ATP2C2: variants seen among roughly 807,000 people sequenced by gnomAD.
The protein encoded by ATP2C2 is ATPase secretory pathway Ca2+ transporting 2.
In ATP2C2, 171 loss-of-function variants were observed where a neutral mutation model predicts 110.8. The observed-to-expected ratio is 1.54, with a 90% CI of 1.36 to 1.75. The LOEUF is 1.75. Among genes scored for constraint, ATP2C2 ranks in the 40% most tolerant of loss-of-function variants. The pLI, the probability that ATP2C2 is intolerant of heterozygous loss-of-function variation, is 0.00. For missense variants in ATP2C2, 1,963 were observed against 1,235.0 expected (o/e 1.59, Z -8.84); for synonymous variants, 804 against 508.4 (o/e 1.58, Z -7.82).
chr16:84,459,954 T>TG (rs1215838820), intron 23 of ATP2C2: 1 of 263,856 alleles, frequency 3.8e-6, no homozygotes, highest in Non-Finnish European at 7.5e-6. Flanking sequence ...CCAAGTGGTG[T>TG]GGGGGAAGGA....
intron 15 of ATP2C2, among the ~76,000 whole-genome samples, chr16:84,443,838 T>G (rs1327327946): frequency 7.9e-5 from 12 of 152,036 alleles, no homozygotes; most frequent in Admixed American, 7.9e-4. Context: ...TAAGCCCCCG[T>G]GTTGGTAGAT....
At position 84,422,383 on chromosome 16, in the gene ATP2C2, C is replaced by G; in HGVS notation, c.625-7C>G. ...GATTCCACAGCCTTTTCCCCTTGCT[C>G]TCCTAGGTCACGGACCTCTTGGTGG... On this transcript the variant is annotated splice_polypyrimidine_tract_variant and splice_region_variant and intron_variant, in intron 7 of 26. Transcript: ENST00000262429. 1.2e-6 allele frequency: 2 copies of G among 1,612,986 alleles called. No homozygotes were observed. Among genetic ancestry groups the G allele is most frequent in the Non-Finnish European group, 1.7e-6 (2 of 1,179,552 alleles).
At chr16:84,407,635 T>C (rs946398698) in intron 3 of ATP2C2, among the ~76,000 whole-genome samples, 2 of 152,034 alleles carry the variant, frequency 1.3e-5, no homozygotes, top group Non-Finnish European at 2.9e-5. Context: ...CATGCCCAGC[T>C]CATTTTTTCA....
chr16:84,417,877 T>G (rs761534247), intron 7 of ATP2C2, among the ~76,000 whole-genome samples: 16 of 152,236 alleles, frequency 1.1e-4, no homozygotes, highest in Non-Finnish European at 1.9e-4. Context: ...TTATCAGCTA[T>G]TAAGCTCTGA....
intron 21 of ATP2C2, among the ~76,000 whole-genome samples, chr16:84,458,700 C>T (rs1910936085): frequency 6.6e-6 from 1 of 152,224 alleles, no homozygotes; most frequent in Admixed American, 6.5e-5. Flanking sequence ...GCCTCCCCAT[C>T]CCTCCCTCCT....
chr16:84,413,789 G>A (rs1312849267), intron 6 of ATP2C2, among the ~76,000 whole-genome samples: 1 of 151,854 alleles, frequency 6.6e-6, no homozygotes, highest in African/African-American at 2.4e-5. Flanking sequence ...CCTGCTGTGC[G>A]GGACCCCCTC....
chr16:84,393,346 C>T (rs958707499), intron 1 of ATP2C2, among the ~76,000 whole-genome samples: 2 of 152,030 alleles, frequency 1.3e-5, no homozygotes, highest in Admixed American at 6.6e-5. Flanking sequence ...AAATGCAGGG[C>T]GAGGAGTGGC....
intron 1 of ATP2C2, among the ~76,000 whole-genome samples, chr16:84,382,197 C>T (rs1413077823): frequency 6.6e-6 from 1 of 152,106 alleles, no homozygotes; most frequent in East Asian, 1.9e-4. Flanking sequence ...CATGCGTTCT[C>T]ATTGTTCAAC....
intron 2 of ATP2C2, chr16:84,404,546 T>G (rs1432823928): frequency 5.3e-6 from 1 of 188,956 alleles, no homozygotes; most frequent in African/African-American, 2.4e-5. Flanking sequence ...GTTCTCAGGC[T>G]AAATAGTATT....
In ATP2C2 at chr16:84,442,589, T is replaced by G. The variant is rs777057280; in HGVS notation, c.1391T>G (p.Leu464Arg). ...CCCACCGAGGGTGCATTGATGGCCCTGGCGATGAAGGTAGGAGGTCCTGGG... is the reference window on the plus strand; with the variant it reads ...CCCACCGAGGGTGCATTGATGGCCCGGGCGATGAAGGTAGGAGGTCCTGGG... ...GQPTEGALMA[L>R]AMKMDLSDIK... The change falls in exon 15 of 27, where the codon CTG (leucine) becomes CGG (arginine). Residue 464 changes from leucine (L) to arginine (R), a missense_variant. Leu to Arg is a moderately radical substitution (Grantham distance 102). Coordinates refer to ENST00000262429, the MANE Select transcript of ATP2C2 (RefSeq NM_014861.4). The G allele has an allele frequency of 3.7e-6, 6 of 1,613,966 alleles. No individual in the cohort carries two copies. Among genetic ancestry groups the G allele is most frequent in the Non-Finnish European group, 5.1e-6 (6 of 1,179,906 alleles).
chr16:84,414,391 T>G (rs1906651225), intron 6 of ATP2C2, among the ~76,000 whole-genome samples: 1 of 152,172 alleles, frequency 6.6e-6, no homozygotes, highest in Admixed American at 6.5e-5. Context: ...TGGCTGGCTC[T>G]CCTCATGATC....
intron 21 of ATP2C2, among the ~76,000 whole-genome samples, chr16:84,456,382 A>G (rs1910790610): frequency 6.6e-6 from 1 of 152,010 alleles, no homozygotes; most frequent in Non-Finnish European, 1.5e-5. Flanking sequence ...CACAGCCAAT[A>G]TCATACTGAA....
chr16:84,368,608 C>A lies in ATP2C2; in HGVS notation c.-8C>A. On this transcript the variant is annotated 5_prime_UTR_variant, in exon 1 of 27. Coordinates refer to ENST00000262429, the MANE Select transcript of ATP2C2 (RefSeq NM_014861.4). Reference sequence around the variant, plus strand: ...TAGGGACGCAGGCAACGCCTGCGCCCGCTCACCATGGTCGAGGGACGCGTC... The same window carrying A: ...TAGGGACGCAGGCAACGCCTGCGCCAGCTCACCATGGTCGAGGGACGCGTC... 3 of 1,549,980 alleles carry A rather than the reference C, an allele frequency of 1.9e-6. No homozygotes were observed. Among genetic ancestry groups the A allele is most frequent in the Non-Finnish European group, 1.7e-6 (2 of 1,147,730 alleles).
chr16:84,422,577 C>G (rs1054401005), intron 8 of ATP2C2, 38 bp downstream of exon 8: 1 of 1,611,506 alleles, frequency 6.2e-7, no homozygotes, highest in Non-Finnish European at 8.5e-7. Context: ...GCTCCCGTAA[C>G]CCACAGGCTC....
intron 16 of ATP2C2, among the ~76,000 whole-genome samples, chr16:84,447,337 C>CT (rs1211029789): frequency 6.6e-6 from 1 of 152,076 alleles, no homozygotes; most frequent in African/African-American, 2.4e-5. Context: ...AATCTTTTCC[C>CT]TTGCAAGGCA....
At chr16:84,430,304 G>A (rs914715197) in intron 11 of ATP2C2, among the ~76,000 whole-genome samples, 6 of 152,160 alleles carry the variant, frequency 3.9e-5, no homozygotes, top group African/African-American at 1.2e-4. Flanking sequence ...CCGTCTACGC[G>A]AACGGCAAAG....
rs377364464 is a variant in ATP2C2, at chr16:84,462,017, C to T, written c.2610C>T (p.Leu870=). 104 of 1,613,846 alleles carry T rather than the reference C, an allele frequency of 6.4e-5. No individual in the cohort carries two copies. The highest frequency in any genetic ancestry group is 2.6e-4 in the South Asian group (24 of 91,088). The change falls in exon 26 of 27, where the codon CTC becomes CTT. Residue 870 remains leucine (L), a synonymous_variant. Coordinates refer to ENST00000262429, the MANE Select transcript of ATP2C2 (RefSeq NM_014861.4). ...AGCTGATATTTGAGATCGGCTTTCTCAGGAACCACATGTTCCTCTACTCCG... is the reference window on the plus strand; with the variant it reads ...AGCTGATATTTGAGATCGGCTTTCTTAGGAACCACATGTTCCTCTACTCCG... The part of the protein sequence containing the change: ...QTKLIFEIGF[L]RNHMFLYSVL...
chr16:84,459,448 G>A, intron 23 of ATP2C2, 62 bp downstream of exon 23: 12 of 1,603,376 alleles, frequency 7.5e-6, no homozygotes, highest in East Asian at 2.2e-5. Flanking sequence ...TTCCTCCAGG[G>A]GCTGCTGGCT....
intron 11 of ATP2C2, among the ~76,000 whole-genome samples, chr16:84,430,136 A>C (rs2150554474): frequency 1.3e-5 from 2 of 152,202 alleles, no homozygotes; most frequent in East Asian, 3.8e-4. Context: ...GGTCACATTC[A>C]CGTGTACCAG....
Sources: allele counts gnomAD v4.1 joint callset (sites outside exome capture counted in the v4.1 genomes callset), GRCh38; gene constraint gnomAD v4.1.1; transcripts MANE v1.5; gene names NCBI Gene and HGNC (gene_info 2026-07-23, HGNC 2026-07-21).